The following EBF2 variants were observed in gnomAD, a reference collection of about 807,000 sequenced individuals.
The protein encoded by EBF2 is EBF transcription factor 2.
In EBF2, 21 loss-of-function variants were observed where a neutral mutation model predicts 72.8. That is an observed-to-expected ratio of 0.29 (90% CI 0.20 to 0.42). The LOEUF (loss-of-function observed/expected upper bound fraction) is 0.42. Ranked by LOEUF, EBF2 falls within the 10% of genes least tolerant of loss-of-function variation. The pLI, the probability that EBF2 is intolerant of heterozygous loss-of-function variation, is 1.00. For synonymous variants in EBF2, 299 were observed against 274.2 expected (o/e 1.09, Z -0.89); for missense variants, 637 against 731.2 (o/e 0.87, Z 1.49).
chr8:25,932,397 C>T (rs117918994), intron 6 of EBF2, among the ~76,000 whole-genome samples: 4,133 of 149,870 alleles, frequency 0.028, 90 homozygotes, highest in Non-Finnish European at 0.046. Context: ...AAAAAAAGAA[C>T]GGGCAGCGTA....
At chr8:25,919,866 A>G (rs1270809304) in intron 6 of EBF2, among the ~76,000 whole-genome samples, 5 of 152,224 alleles carry the variant, frequency 3.3e-5, no homozygotes, top group Admixed American at 6.5e-5. Context: ...AGTGCAAAAA[A>G]TATTTTGAAA....
chr8:25,909,815 T>C (rs375765875), intron 6 of EBF2, among the ~76,000 whole-genome samples: 213 of 152,336 alleles, frequency 1.4e-3, no homozygotes, highest in African/African-American at 4.7e-3. Flanking sequence ...TTCAGAGTAT[T>C]TTCTGTGTTT....
At chr8:25,979,021 C>A (rs184052909) in intron 6 of EBF2, among the ~76,000 whole-genome samples, 1 of 152,108 alleles carries the variant, frequency 6.6e-6, no homozygotes, top group African/African-American at 2.4e-5. Context: ...GAGGGTTCTC[C>A]GAATACCGTA....
intron 6 of EBF2, among the ~76,000 whole-genome samples, chr8:25,940,887 C>T (rs1441397692): frequency 6.6e-6 from 1 of 152,120 alleles, no homozygotes; most frequent in Non-Finnish European, 1.5e-5. Flanking sequence ...AGTGCCTCCC[C>T]CTTCCCCCAA....
intron 14 of EBF2, among the ~76,000 whole-genome samples, chr8:25,856,002 C>A (rs1334271983): frequency 6.6e-6 from 1 of 152,120 alleles, no homozygotes; most frequent in African/African-American, 2.4e-5. Context: ...TATTAGTTTT[C>A]TTGTGGCAGT....
At chr8:25,949,293 T>C (rs577891866) in intron 6 of EBF2, among the ~76,000 whole-genome samples, 333 of 152,378 alleles carry the variant, frequency 2.2e-3, no homozygotes, top group Non-Finnish European at 3.8e-3. Context: ...CTGTAACTGC[T>C]ACGTCATGCT....
chr8:25,861,118 T>C lies in EBF2; in HGVS notation c.1273A>G (p.Met425Val), dbSNP rs1318986719. The change falls in exon 13 of 16, where the codon ATG becomes GTG. Residue 425 changes from methionine (M) to valine (V), a missense_variant. Met to Val is a conservative substitution (Grantham distance 21, BLOSUM62 1). Around this residue, in one of 3 missense-constraint regions of EBF2, gnomAD observed 259 missense variants for 268.1 expected, o/e 0.97. Transcript: ENST00000520164. ...TGGCTGCCATAGGAGTTGATTCCCA[T>C]CATGCCACTGTGCGCTGGGGAGCTA... is the stretch of plus-strand genomic sequence containing the variant. ...LSSSPAHSGM[M>V]GINSYGSQLG... 6.2e-7 allele frequency: 1 copy of C among 1,614,164 alleles called. No individual in the cohort carries two copies. The highest frequency in any genetic ancestry group is 2.2e-5 in the East Asian group (1 of 44,876).
intron 6 of EBF2, among the ~76,000 whole-genome samples, chr8:25,955,965 A>C (rs1803937158): frequency 6.6e-6 from 1 of 152,190 alleles, no homozygotes; most frequent in Admixed American, 6.5e-5. Flanking sequence ...ATAAGAGTTC[A>C]AAACCAGCCT....
intron 15 of EBF2, among the ~76,000 whole-genome samples, chr8:25,846,503 C>A (rs894143371): frequency 1.3e-5 from 2 of 152,022 alleles, no homozygotes; most frequent in Non-Finnish European, 2.9e-5. Context: ...GCCTGAGCAA[C>A]ATGATGAAAA....
chr8:26,039,915 T>A (rs948860348), intron 5 of EBF2, 113 bp downstream of exon 5: 1 of 1,135,780 alleles, frequency 8.8e-7, no homozygotes, highest in Non-Finnish European at 1.3e-6. Context: ...CCGCGAGGCC[T>A]CCCAGCTGCG....
chr8:25,875,625 T>G (rs1409334763), intron 10 of EBF2, among the ~76,000 whole-genome samples: 2 of 152,168 alleles, frequency 1.3e-5, no homozygotes, highest in Admixed American at 1.3e-4. Flanking sequence ...CCTTCATAAC[T>G]CCTGCTTTTT....
At chr8:25,854,001 C>T (rs976659721) in intron 14 of EBF2, among the ~76,000 whole-genome samples, 2 of 151,980 alleles carry the variant, frequency 1.3e-5, no homozygotes, top group African/African-American at 2.4e-5. Context: ...TTCACTTGTC[C>T]GTATCTTCAA....
intron 10 of EBF2, among the ~76,000 whole-genome samples, chr8:25,879,031 T>C (rs1232769179): frequency 6.6e-6 from 1 of 152,130 alleles, no homozygotes; most frequent in Non-Finnish European, 1.5e-5. Flanking sequence ...TTTTATTAGA[T>C]ACAAGTAAGC....
intron 6 of EBF2, among the ~76,000 whole-genome samples, chr8:25,966,823 G>A (rs1371537290): frequency 6.6e-6 from 1 of 152,200 alleles, no homozygotes; most frequent in Non-Finnish European, 1.5e-5. Context: ...AGAAGGCAAG[G>A]AGAAATTCTC....
intron 6 of EBF2, among the ~76,000 whole-genome samples, chr8:25,982,054 G>T (rs1231734893): frequency 6.6e-6 from 1 of 152,254 alleles, no homozygotes; most frequent in East Asian, 1.9e-4. Flanking sequence ...ACGGAGGGAG[G>T]TTTCCTGTGA....
chr8:25,880,801 G>A (rs1585273458), intron 10 of EBF2, among the ~76,000 whole-genome samples: 1 of 151,782 alleles, frequency 6.6e-6, no homozygotes, highest in African/African-American at 2.4e-5. Flanking sequence ...TTCATTAATC[G>A]ACATCTTTAC....
chr8:25,907,419 CAAAAAAAAAA>C (rs55695734), intron 7 of EBF2, among the ~76,000 whole-genome samples: 58 of 28,890 alleles, frequency 2.0e-3, no homozygotes, highest in East Asian at 0.012. Context: ...GACCCTGCCT[CAAAAAAAAAA>C]AAAAAAAAAA....
chr8:25,968,206 G>A (rs2117185893), intron 6 of EBF2, among the ~76,000 whole-genome samples: 1 of 152,206 alleles, frequency 6.6e-6, no homozygotes, highest in Non-Finnish European at 1.5e-5. Flanking sequence ...AGAAGAACTG[G>A]AAGCAGGGTT....
intron 6 of EBF2, among the ~76,000 whole-genome samples, chr8:25,995,380 A>G (rs1804608408): frequency 6.6e-6 from 1 of 152,262 alleles, no homozygotes; most frequent in African/African-American, 2.4e-5. Flanking sequence ...AAACATATTT[A>G]TACAAAAATA....
Sources: gnomAD v4.1 joint callset for allele counts (sites outside exome capture counted in the v4.1 genomes callset) on GRCh38, gnomAD v4.1.1 for gene constraint, gnomAD v4.1.1 regional missense constraint, MANE v1.5 for transcripts, NCBI Gene and HGNC (gene_info 2026-07-23, HGNC 2026-07-21) for gene names.